Variants in KIF3A observed in about 807,000 individuals in gnomAD.
The protein encoded by KIF3A is kinesin-like protein KIF3A.
KIF3A carries 27 observed loss-of-function variants against 92.6 expected under a neutral mutation model. That is an observed-to-expected ratio of 0.29 (90% confidence interval 0.21 to 0.40). KIF3A has a LOEUF of 0.40. Ranked by LOEUF, KIF3A falls within the 10% of genes least tolerant of loss-of-function variation. The probability of loss-of-function intolerance (pLI) is 1.00; values close to 1 mark genes in which losing one functional copy is unlikely to be tolerated. For missense variants in KIF3A, 581 were observed against 872.6 expected, an observed-to-expected ratio of 0.67 and a Z score of 4.21; for synonymous variants, 250 against 275.4, an observed-to-expected ratio of 0.91 and a Z score of 0.92.
At chr5:132,704,065 T>A (rs1037259984) in intron 11 of KIF3A, among the ~76,000 whole-genome samples, 1 of 151,754 alleles carries the variant, frequency 6.6e-6, no homozygotes, top group African/African-American at 2.4e-5. Flanking sequence ...ATAAAACAAG[T>A]GAATAAAAGT....
chr5:132,702,506 C>A, intron 14 of KIF3A, 52 bp downstream of exon 14: 3 of 1,029,184 alleles, frequency 2.9e-6, no homozygotes, highest in Non-Finnish European at 2.9e-6. Context: ...CAAAGAACTC[C>A]CTTTTAAAAA....
At chr5:132,708,307 A>G (rs10045170) in intron 10 of KIF3A, among the ~76,000 whole-genome samples, 3 of 151,670 alleles carry the variant, frequency 2.0e-5, no homozygotes, top group Non-Finnish European at 4.4e-5. Context: ...AAAAGAAAGA[A>G]CTTTTCTTAA....
chr5:132,696,854 G>A (rs144635311), intron 18 of KIF3A, among the ~76,000 whole-genome samples, 172 bp from the exon 19 acceptor site: 308 of 152,292 alleles, frequency 2.0e-3, no homozygotes, highest in African/African-American at 7.0e-3. Context: ...TTCAGGCTAC[G>A]GGAAGCTAAC....
At chr5:132,735,484 T>C (rs1223264046) in intron 1 of KIF3A, among the ~76,000 whole-genome samples, 1 of 152,228 alleles carries the variant, frequency 6.6e-6, no homozygotes, top group Non-Finnish European at 1.5e-5. Flanking sequence ...CTGTTTCAGA[T>C]TCTCTTCTAA....
chr5:132,700,133 T>C (rs1169901153), intron 17 of KIF3A, 83 bp downstream of exon 17: 1 of 765,466 alleles, frequency 1.3e-6, no homozygotes, highest in South Asian at 1.7e-5. Context: ...ATCAAGTTGA[T>C]AATACAATTT....
At chr5:132,724,202 G>C (rs180741044) in intron 4 of KIF3A, among the ~76,000 whole-genome samples, 467 of 152,300 alleles carry the variant, frequency 3.1e-3, no homozygotes, top group Non-Finnish European at 5.4e-3. Flanking sequence ...ATTGGTGGGA[G>C]TGTAAACTAG....
intron 4 of KIF3A, among the ~76,000 whole-genome samples, chr5:132,724,360 A>G (rs945451909): frequency 1.3e-5 from 2 of 152,172 alleles, no homozygotes; most frequent in African/African-American, 4.8e-5. Context: ...TTACTGTGGC[A>G]CTACTCACAA....
intron 9 of KIF3A, among the ~76,000 whole-genome samples, chr5:132,709,709 A>G (rs1753347468): frequency 6.6e-6 from 1 of 152,232 alleles, no homozygotes; most frequent in Admixed American, 6.5e-5. Context: ...GTTTTCTGCA[A>G]AAGGACAGAT....
At position 132,727,905 on chromosome 5, in the gene KIF3A, C is replaced by CT. The variant is rs966073706; in HGVS notation, c.281-1408dup. On this transcript the variant is annotated intron_variant, in intron 2 of 18. Transcript: ENST00000403231. Reference sequence around the variant, plus strand: ...TCAGTTAACCTCAACTTTTCTCAGACTTTTTTTTGTGAAAATAATCATAAC... The same window carrying CT: ...TCAGTTAACCTCAACTTTTCTCAGACTTTTTTTTTGTGAAAATAATCATAAC... Among the ~76,000 whole-genome samples the CT allele has an allele frequency of 1.7e-3, 263 of 152,074 alleles. 2 individuals carry two copies. Among genetic ancestry groups the CT allele is most frequent in the African/African-American group, 6.1e-3 (253 of 41,482 alleles).
chr5:132,692,191 T>C (rs945080878), downstream of KIF3A, among the ~76,000 whole-genome samples: 29 of 152,160 alleles, frequency 1.9e-4, no homozygotes, highest in African/African-American at 7.0e-4. Context: ...TACCGCATGT[T>C]GTCACTTATA....
At chr5:132,733,290 A>G (rs1033012207) in intron 2 of KIF3A, among the ~76,000 whole-genome samples, 5 of 152,228 alleles carry the variant, frequency 3.3e-5, no homozygotes, top group Non-Finnish European at 7.3e-5. Flanking sequence ...TTTATCACAA[A>G]AGCTACCTAA....
intron 1 of KIF3A, among the ~76,000 whole-genome samples, chr5:132,735,127 T>C (rs143896474): frequency 0.019 from 2,824 of 152,182 alleles, 77 homozygotes; most frequent in African/African-American, 0.061. Context: ...CAGGCTGGAG[T>C]GCAGTGGCGT....
rs190283293 is a variant in KIF3A at position 132,699,272 on chromosome 5, G to A, written c.2031C>T (p.His677=). 438 of 1,613,722 alleles carry A rather than the reference G, an allele frequency of 2.7e-4. 2 individuals carry two copies. The East Asian group carries it at 8.4e-3, about 31-fold the overall frequency. The change falls in exon 18 of 19, where the codon CAC becomes CAT. Residue 677 remains histidine (H), a synonymous_variant. Coordinates refer to ENST00000403231, the MANE Select transcript of KIF3A (RefSeq NM_001300791.2). ...EKDPFEVDLS[H]VYLAYTEESL... is the part of the protein sequence containing the mutation. ...TCTCCTCAGTATAGGCAAGATACAC[G>A]TGAGAAAGGTCCACCTCAAAGGGCT...
chr5:132,716,558 T>A, intron 6 of KIF3A, 116 bp from the exon 7 acceptor site: 1 of 839,054 alleles, frequency 1.2e-6, no homozygotes, highest in South Asian at 1.8e-5. Context: ...ATGCCTGAAT[T>A]CACTTCAAAA....
At chr5:132,730,508 C>T (rs1409046691) in intron 2 of KIF3A, among the ~76,000 whole-genome samples, 3 of 150,492 alleles carry the variant, frequency 2.0e-5, no homozygotes, top group South Asian at 4.2e-4. Context: ...ATAACCTGGC[C>T]GGGCACGGTA....
At chr5:132,712,665 T>G (rs762113341) in intron 8 of KIF3A, among the ~76,000 whole-genome samples, 1 of 152,170 alleles carries the variant, frequency 6.6e-6, no homozygotes, top group Non-Finnish European at 1.5e-5. Context: ...CCCCACAAGA[T>G]ACATGTTAAT....
chr5:132,732,780 G>T (rs1307933066), intron 2 of KIF3A, among the ~76,000 whole-genome samples: 1 of 152,118 alleles, frequency 6.6e-6, no homozygotes, highest in African/African-American at 2.4e-5. Flanking sequence ...GTGTTGGCGG[G>T]CGCCTGTAGT....
intron 2 of KIF3A, among the ~76,000 whole-genome samples, chr5:132,729,682 T>C (rs1283631321): frequency 2.6e-5 from 4 of 151,972 alleles, no homozygotes; most frequent in Admixed American, 1.3e-4. Context: ...GGAGGTAAAA[T>C]AGTATTTTGA....
At chr5:132,733,100 T>C (rs922207912) in intron 2 of KIF3A, among the ~76,000 whole-genome samples, 2 of 151,880 alleles carry the variant, frequency 1.3e-5, no homozygotes, top group Admixed American at 6.6e-5. Flanking sequence ...AGTTGCTGGG[T>C]TGGGGGAAGG....
Sources: gnomAD v4.1 joint callset for allele counts (sites outside exome capture counted in the v4.1 genomes callset) on GRCh38, gnomAD v4.1.1 for gene constraint, MANE v1.5 for transcripts, NCBI Gene and HGNC (gene_info 2026-07-23, HGNC 2026-07-21) for gene names.